Variants in GPHN observed in about 807,000 individuals in gnomAD.
GPHN encodes gephyrin.
GPHN carries 17 observed loss-of-function variants against 95.5 expected under a neutral mutation model. That is an observed-to-expected ratio of 0.18 (90% confidence interval 0.12 to 0.27). The LOEUF (loss-of-function observed/expected upper bound fraction) is 0.27. Among genes scored for constraint, GPHN ranks in the 10% least tolerant of loss-of-function variants. The pLI, the probability that GPHN is intolerant of heterozygous loss-of-function variation, is 1.00. For missense variants in GPHN, 660 were observed against 978.1 expected (o/e 0.67, Z 4.34); for synonymous variants, 320 against 322.5 (o/e 0.99, Z 0.08).
At chr14:67,440,428 C>T in the GPHN span, among the ~76,000 whole-genome samples, 2 of 152,036 alleles carry the variant, frequency 1.3e-5, no homozygotes, top group African/African-American at 2.4e-5. Flanking sequence ...ATTTCTGCCC[C>T]ACTCACCTTG....
intron 2 of GPHN, among the ~76,000 whole-genome samples, chr14:66,692,329 TG>T (rs1254759112): frequency 6.6e-6 from 1 of 152,172 alleles, no homozygotes; most frequent in African/African-American, 2.4e-5. Context: ...AGGAGTATGA[TG>T]AGGTACTAAC....
chr14:66,997,647 CA>C (rs2071911109), intron 9 of GPHN, among the ~76,000 whole-genome samples: 1 of 151,996 alleles, frequency 6.6e-6, no homozygotes, highest in Non-Finnish European at 1.5e-5. Context: ...AAGAAAAAAC[CA>C]AAAGAAATAG....
chr14:67,437,074 C>T, the GPHN span, among the ~76,000 whole-genome samples: 5 of 152,212 alleles, frequency 3.3e-5, no homozygotes, highest in East Asian at 1.9e-4. Flanking sequence ...AAACAAACAA[C>T]AACAATAAAA....
chr14:66,624,193 A>T (rs2063428287), intron 1 of GPHN, among the ~76,000 whole-genome samples: 1 of 152,192 alleles, frequency 6.6e-6, no homozygotes, highest in African/African-American at 2.4e-5. Flanking sequence ...TTCTGGAAAC[A>T]TGTTTTCTCT....
rs537537835 is a variant in GPHN at position 66,958,251 on chromosome 14, A to G, written c.829-6940A>G. ...TATAATGTCTTTTTTGTCTCTTATA[A>G]CAGTTTTGGCTTCAAAGTTGATTTT... On this transcript the variant is annotated intron_variant, in intron 8 of 22. Transcript: ENST00000478722. Among the ~76,000 whole-genome samples, 68 of 151,896 alleles carry G rather than the reference A, an allele frequency of 4.5e-4. 2 individuals carry two copies. The highest frequency in any genetic ancestry group is 7.8e-4 in the Non-Finnish European group (53 of 67,968).
intron 2 of GPHN, among the ~76,000 whole-genome samples, chr14:66,723,381 ATTAT>A: frequency 7.1e-6 from 1 of 141,008 alleles, no homozygotes; most frequent in South Asian, 2.2e-4. Context: ...TTTTATAAAT[ATTAT>A]TTATGAAAGT....
intron 2 of GPHN, among the ~76,000 whole-genome samples, chr14:66,706,289 T>C (rs2069076402): frequency 6.6e-6 from 1 of 152,168 alleles, no homozygotes; most frequent in East Asian, 1.9e-4. Context: ...ATTGACATTA[T>C]TTACAGAATT....
the GPHN span, among the ~76,000 whole-genome samples, chr14:67,509,210 C>T: frequency 1.3e-5 from 2 of 152,220 alleles, no homozygotes; most frequent in African/African-American, 2.4e-5. Context: ...TACTTCCCTA[C>T]TGCAGGGTAC....
In GPHN at chr14:66,727,751, G is replaced by T. The variant is rs186758426; in HGVS notation, c.143+46566G>T. On this transcript the variant is annotated intron_variant, in intron 2 of 22. Coordinates refer to ENST00000478722, the MANE Select transcript of GPHN (RefSeq NM_020806.5). ...TGTTAAAGGCATTCAGTTTTAAAAGGGAAACAGAACATAAAAGTTTGGAAA... is the reference window on the plus strand; with the variant it reads ...TGTTAAAGGCATTCAGTTTTAAAAGTGAAACAGAACATAAAAGTTTGGAAA... 2.0e-5 allele frequency among the ~76,000 whole-genome samples: 3 copies of T among 152,230 alleles called. No homozygotes were observed. The East Asian group carries it at 5.8e-4, about 29-fold the overall frequency.
At chr14:66,582,369 A>G (rs982975073) in intron 1 of GPHN, among the ~76,000 whole-genome samples, 2 of 151,800 alleles carry the variant, frequency 1.3e-5, no homozygotes, top group Non-Finnish European at 2.9e-5. Context: ...ATGGGATGCA[A>G]CAAAAGCATT....
intron 5 of GPHN, among the ~76,000 whole-genome samples, chr14:66,888,780 A>G (rs1346032517): frequency 6.6e-6 from 1 of 152,098 alleles, no homozygotes; most frequent in South Asian, 2.1e-4. Context: ...CAATCAAGAG[A>G]CAGAGATTAA....
chr14:66,604,435 C>G (rs1020773518), intron 1 of GPHN, among the ~76,000 whole-genome samples: 82 of 152,070 alleles, frequency 5.4e-4, no homozygotes, highest in African/African-American at 1.9e-3. Flanking sequence ...TAGAAATCCA[C>G]AAACCTAACT....
At chr14:67,083,654 G>C (rs1263910490) in intron 11 of GPHN, among the ~76,000 whole-genome samples, 2 of 152,112 alleles carry the variant, frequency 1.3e-5, no homozygotes, top group Non-Finnish European at 2.9e-5. Flanking sequence ...ATTCAGAGTG[G>C]CAATGATCAA....
intron 2 of GPHN, among the ~76,000 whole-genome samples, chr14:66,684,729 G>T (rs2067226755): frequency 6.7e-6 from 1 of 149,816 alleles, no homozygotes; most frequent in Non-Finnish European, 1.5e-5. Flanking sequence ...AAGACTTTCT[G>T]GTCTTGCTAC....
chr14:67,657,619 CA>C, the GPHN span, among the ~76,000 whole-genome samples: 2 of 140,284 alleles, frequency 1.4e-5, no homozygotes, highest in Non-Finnish European at 3.0e-5. Flanking sequence ...CACACACACA[CA>C]CACCCAAAAT....
chr14:66,676,487 T>G (rs1039482938), intron 1 of GPHN, among the ~76,000 whole-genome samples: 11 of 152,096 alleles, frequency 7.2e-5, no homozygotes, highest in Admixed American at 3.9e-4. Flanking sequence ...CTTTCTATAC[T>G]TAATTTTTTA....
At chr14:67,647,141 T>C in the GPHN span, 1 of 710,338 alleles carries the variant, frequency 1.4e-6, no homozygotes, top group Non-Finnish European at 2.3e-6. Flanking sequence ...TACACATAAT[T>C]TTAAATAGTT....
chr14:66,955,446 C>T (rs113723805), intron 8 of GPHN, among the ~76,000 whole-genome samples: 4,147 of 152,206 alleles, frequency 0.027, 80 homozygotes, highest in Non-Finnish European at 0.038. Flanking sequence ...CATTTCATTT[C>T]GGTAAGCTCA....
intron 1 of GPHN, among the ~76,000 whole-genome samples, chr14:66,551,995 C>T (rs764583866): frequency 1.3e-5 from 2 of 152,114 alleles, no homozygotes; most frequent in East Asian, 3.9e-4. Flanking sequence ...AAAGAGAAAC[C>T]AACCTTTATC....
Sources: allele counts gnomAD v4.1 joint callset (sites outside exome capture counted in the v4.1 genomes callset), GRCh38; gene constraint gnomAD v4.1.1; transcripts MANE v1.5; gene names NCBI Gene and HGNC (gene_info 2026-07-23, HGNC 2026-07-21).